KCNK9: variants seen among roughly 807,000 people sequenced by gnomAD.
KCNK9 encodes the protein potassium two pore domain channel subfamily K member 9.
A neutral mutation model predicts 10.8 loss-of-function variants in KCNK9; 1 was observed. The ratio of observed to expected loss-of-function variants is 0.09; its 90% CI spans 0.03 to 0.44. KCNK9 has a LOEUF of 0.44. KCNK9 is among the 20% of genes least tolerant of loss of function. KCNK9 has a pLI of 0.97. For missense variants in KCNK9, 303 were observed against 515.0 expected (o/e 0.59, Z 3.98); for synonymous variants, 231 against 222.7 (o/e 1.04, Z -0.33).
At chr8:139,635,024 G>C (rs893626399) in intron 1 of KCNK9, among the ~76,000 whole-genome samples, 2 of 152,196 alleles carry the variant, frequency 1.3e-5, no homozygotes, top group Non-Finnish European at 2.9e-5. Context: ...TCGTTCCCCT[G>C]CTGCATGAGG....
At chr8:139,646,931 C>G (rs1170623213) in intron 1 of KCNK9, among the ~76,000 whole-genome samples, 3 of 152,228 alleles carry the variant, frequency 2.0e-5, no homozygotes, top group Non-Finnish European at 4.4e-5. Context: ...TAATGGGGCC[C>G]CCTGGCTCCC....
chr8:139,633,099 A>T (rs966951088), intron 1 of KCNK9, among the ~76,000 whole-genome samples: 2 of 152,084 alleles, frequency 1.3e-5, no homozygotes, highest in African/African-American at 4.8e-5. Context: ...CTGACAGGCC[A>T]TGTGCACATA....
At chr8:139,678,321 A>C (rs569185928) in intron 1 of KCNK9, among the ~76,000 whole-genome samples, 61 of 152,268 alleles carry the variant, frequency 4.0e-4, no homozygotes, top group Admixed American at 1.0e-3. Flanking sequence ...CTCCAGTCTG[A>C]GACAGGAACC....
intron 1 of KCNK9, among the ~76,000 whole-genome samples, chr8:139,682,698 G>T (rs984460656): frequency 3.9e-5 from 6 of 152,240 alleles, no homozygotes; most frequent in African/African-American, 1.4e-4. Flanking sequence ...GAGCAGGGCA[G>T]TGACTCGATC....
At chr8:139,659,373 G>T (rs912814711) in intron 1 of KCNK9, among the ~76,000 whole-genome samples, 1 of 152,190 alleles carries the variant, frequency 6.6e-6, no homozygotes, top group African/African-American at 2.4e-5. Flanking sequence ...TCTTGTCTTT[G>T]TCCTTTGCCT....
chr8:139,681,577 G>T (rs1816689001), intron 1 of KCNK9, among the ~76,000 whole-genome samples: 1 of 152,206 alleles, frequency 6.6e-6, no homozygotes, highest in Non-Finnish European at 1.5e-5. Context: ...TTGGGAGCTG[G>T]AACAAGGGTC....
At chr8:139,691,739 T>C (rs1431751310) in intron 1 of KCNK9, among the ~76,000 whole-genome samples, 1 of 152,234 alleles carries the variant, frequency 6.6e-6, no homozygotes, top group Non-Finnish European at 1.5e-5. Flanking sequence ...TAATGTGTGA[T>C]GTAAACTTAA....
Position 139,624,151 on chromosome 8 carries a change from G to A in KCNK9, c.284-5052C>T, listed in dbSNP as rs144318919. Among the ~76,000 whole-genome samples, 438 of 152,284 alleles carry A rather than the reference G, an allele frequency of 2.9e-3. 3 individuals are homozygous for A. Among genetic ancestry groups the A allele is most frequent in the African/African-American group, 1.0e-2 (414 of 41,552 alleles). On this transcript the variant is annotated intron_variant, in intron 1 of 1. Transcript: ENST00000520439. ...CACACAAGGGACGCAGCCAGCCCAC[G>A]CTGCTCATCTCCAGAGCTTCACCGC... is the stretch of plus-strand genomic sequence containing the variant.
chr8:139,692,477 A>G (rs1399752310), intron 1 of KCNK9, among the ~76,000 whole-genome samples: 2 of 152,026 alleles, frequency 1.3e-5, no homozygotes, highest in Non-Finnish European at 1.5e-5. Context: ...ATAGTATGAG[A>G]GCTATTTGGG....
chr8:139,687,571 C>T (rs1227961332), intron 1 of KCNK9, among the ~76,000 whole-genome samples: 1 of 92,270 alleles, frequency 1.1e-5, no homozygotes, highest in Non-Finnish European at 2.2e-5. Context: ...TACATATATT[C>T]ATATATATGT....
At chr8:139,663,889 G>T (rs746896206) in intron 1 of KCNK9, among the ~76,000 whole-genome samples, 1 of 152,150 alleles carries the variant, frequency 6.6e-6, no homozygotes, top group Non-Finnish European at 1.5e-5. Flanking sequence ...CCACGGATAA[G>T]TGGAACAAGC....
intron 1 of KCNK9, among the ~76,000 whole-genome samples, chr8:139,632,481 C>G (rs1307166884): frequency 6.6e-6 from 1 of 152,166 alleles, no homozygotes; most frequent in Admixed American, 6.5e-5. Flanking sequence ...CAGTGTCTAC[C>G]CACATATGTG....
At chr8:139,679,943 G>T (rs1255298305) in intron 1 of KCNK9, among the ~76,000 whole-genome samples, 1 of 152,184 alleles carries the variant, frequency 6.6e-6, no homozygotes, top group Non-Finnish European at 1.5e-5. Flanking sequence ...TGTCACAGCT[G>T]GGTCGCTCAG....
intron 1 of KCNK9, among the ~76,000 whole-genome samples, chr8:139,665,818 C>T (rs754816866): frequency 3.9e-5 from 6 of 152,188 alleles, no homozygotes; most frequent in South Asian, 2.1e-4. Flanking sequence ...ACTTCCAACA[C>T]GGTAGGTCTG....
intron 1 of KCNK9, among the ~76,000 whole-genome samples, chr8:139,699,950 A>C (rs892462073): frequency 1.3e-5 from 2 of 152,224 alleles, no homozygotes; most frequent in Non-Finnish European, 2.9e-5. Flanking sequence ...ATTAAAAATC[A>C]AAACGCCAAT....
intron 1 of KCNK9, among the ~76,000 whole-genome samples, chr8:139,661,388 T>A (rs983089696): frequency 6.6e-6 from 1 of 152,120 alleles, no homozygotes; most frequent in Admixed American, 6.5e-5. Context: ...CACCTTCAGG[T>A]AGCCGATGCT....
chr8:139,637,930 C>G (rs1490647494), intron 1 of KCNK9, among the ~76,000 whole-genome samples: 1 of 152,032 alleles, frequency 6.6e-6, no homozygotes. Context: ...CCCATCCCAG[C>G]CTTGGCCAGA....
chr8:139,618,213 C>T lies in KCNK9; in HGVS notation c.*45G>A. Reference sequence around the variant, plus strand: ...CGAGTTGGACCAATGGAAATTAACACCAACTATGACAAATGACTTTTCTGT... The same window carrying T: ...CGAGTTGGACCAATGGAAATTAACATCAACTATGACAAATGACTTTTCTGT... On this transcript the variant is annotated 3_prime_UTR_variant, in exon 2 of 2. Coordinates refer to ENST00000520439, the MANE Select transcript of KCNK9 (RefSeq NM_001282534.2). This position sits in a 1 kb window ranked among gnomAD's most constrained non-coding sequence, Gnocchi z 7.9. The T allele has an allele frequency of 3.1e-6, 5 of 1,613,626 alleles. No individual in the cohort carries two copies. Among genetic ancestry groups the T allele is most frequent in the Non-Finnish European group, 4.2e-6 (5 of 1,179,636 alleles).
At chr8:139,647,997 AGCAGCAC>A (rs1815743290) in intron 1 of KCNK9, among the ~76,000 whole-genome samples, 1 of 152,352 alleles carries the variant, frequency 6.6e-6, no homozygotes, top group East Asian at 1.9e-4. Flanking sequence ...CAATGTGCAT[AGCAGCAC>A]GCTAGCTGAA....
Sources: allele counts gnomAD v4.1 joint callset (sites outside exome capture counted in the v4.1 genomes callset), GRCh38; gene constraint gnomAD v4.1.1; non-coding constraint Gnocchi (gnomAD v3.1); transcripts MANE v1.5; gene names NCBI Gene and HGNC (gene_info 2026-07-23, HGNC 2026-07-21).